NDRG3: variants seen among roughly 807,000 people sequenced by gnomAD.
The protein encoded by NDRG3 is protein NDRG3.
In NDRG3, 23 loss-of-function variants were observed where a neutral mutation model predicts 57.2. The ratio of observed to expected loss-of-function variants is 0.40; its 90% CI spans 0.29 to 0.57. The LOEUF (loss-of-function observed/expected upper bound fraction) is 0.57. Among genes scored for constraint, NDRG3 ranks in the 20% least tolerant of loss-of-function variants. NDRG3 has a pLI of 0.42. For synonymous variants in NDRG3, 132 were observed against 162.6 expected, an observed-to-expected ratio of 0.81 and a Z score of 1.43; for missense variants, 384 against 457.3, an observed-to-expected ratio of 0.84 and a Z score of 1.46.
chr20:36,673,818 C>T (rs982524582), intron 8 of NDRG3, among the ~76,000 whole-genome samples: 3 of 152,054 alleles, frequency 2.0e-5, no homozygotes, highest in African/African-American at 7.2e-5. Flanking sequence ...ATATCTAAAA[C>T]ATTTGGCCGG....
chr20:36,715,482 T>C (rs558603598), intron 2 of NDRG3, among the ~76,000 whole-genome samples: 3 of 151,806 alleles, frequency 2.0e-5, no homozygotes, highest in Non-Finnish European at 4.4e-5. Flanking sequence ...ATTACAGCTG[T>C]TTCTTCTTTT....
chr20:36,726,071 C>T (rs1984915277), intron 1 of NDRG3, among the ~76,000 whole-genome samples: 1 of 152,042 alleles, frequency 6.6e-6, no homozygotes, highest in African/African-American at 2.4e-5. Context: ...GGGCATGTGC[C>T]ACCATGCCTT....
At chr20:36,660,628 T>A (rs1473082027) in intron 12 of NDRG3, among the ~76,000 whole-genome samples, 1 of 151,626 alleles carries the variant, frequency 6.6e-6, no homozygotes, top group Non-Finnish European at 1.5e-5. Flanking sequence ...TGGCGCGATC[T>A]CGGCTCACTG....
chr20:36,708,062 C>T (rs1441021719), intron 2 of NDRG3, among the ~76,000 whole-genome samples: 2 of 149,654 alleles, frequency 1.3e-5, no homozygotes. Flanking sequence ...CCAGCCTGGG[C>T]AACAGAGTGA....
At chr20:36,681,343 GATA>G (rs1262787289) in intron 7 of NDRG3, among the ~76,000 whole-genome samples, 3 of 151,826 alleles carry the variant, frequency 2.0e-5, no homozygotes, top group Non-Finnish European at 2.9e-5. Context: ...AAAAAATAAT[GATA>G]ATAATGTCTG....
intron 13 of NDRG3, among the ~76,000 whole-genome samples, chr20:36,658,853 T>C (rs1978907827): frequency 2.6e-5 from 4 of 152,172 alleles, no homozygotes; most frequent in African/African-American, 9.6e-5. Flanking sequence ...ACCCTCATCA[T>C]AAGAATTGTT....
At chr20:36,718,847 A>C (rs939228652) in intron 2 of NDRG3, among the ~76,000 whole-genome samples, 1 of 151,742 alleles carries the variant, frequency 6.6e-6, no homozygotes, top group Non-Finnish European at 1.5e-5. Flanking sequence ...CACCTGGATC[A>C]TTTTTTTAAT....
At chr20:36,693,058 G>A (rs1466609024) in intron 3 of NDRG3, among the ~76,000 whole-genome samples, 2 of 85,468 alleles carry the variant, frequency 2.3e-5, no homozygotes, top group African/African-American at 4.7e-5. Context: ...CGGGGTGACA[G>A]CAAGACCCTG....
chr20:36,707,094 G>A, intron 2 of NDRG3, 87 bp from the exon 3 acceptor site: 1 of 1,199,892 alleles, frequency 8.3e-7, no homozygotes, highest in Non-Finnish European at 1.2e-6. Flanking sequence ...TGACAGCAGT[G>A]CATGTGCAGC....
chr20:36,687,377 A>G, intron 5 of NDRG3, 115 bp downstream of exon 5: 1 of 1,302,978 alleles, frequency 7.7e-7, no homozygotes, highest in East Asian at 2.5e-5. Context: ...GTCAATAAGC[A>G]TAACCTATAG....
intron 1 of NDRG3, among the ~76,000 whole-genome samples, chr20:36,736,051 G>A (rs1985595751): frequency 6.6e-6 from 1 of 150,904 alleles, no homozygotes; most frequent in Non-Finnish European, 1.5e-5. Context: ...ACAAGCTGCA[G>A]AAGTAGCCTA....
intron 2 of NDRG3, among the ~76,000 whole-genome samples, chr20:36,720,212 G>A (rs927138587): frequency 2.0e-5 from 3 of 151,510 alleles, no homozygotes; most frequent in Non-Finnish European, 2.9e-5. Flanking sequence ...TTGCTCTGTC[G>A]CCCAGGCTGG....
chr20:36,714,639 A>C (rs1467463670), intron 2 of NDRG3, among the ~76,000 whole-genome samples: 1 of 146,088 alleles, frequency 6.8e-6, no homozygotes, highest in African/African-American at 2.5e-5. Context: ...TTTGAGACGG[A>C]GTCTTGCTCT....
At chr20:36,658,029 T>C (rs915089146) in intron 13 of NDRG3, among the ~76,000 whole-genome samples, 7 of 152,200 alleles carry the variant, frequency 4.6e-5, no homozygotes, top group African/African-American at 1.7e-4. Flanking sequence ...ATGGGCATTT[T>C]TGCGAAAAAT....
chr20:36,697,385 C>G (rs1982880092), intron 3 of NDRG3, among the ~76,000 whole-genome samples: 1 of 152,064 alleles, frequency 6.6e-6, no homozygotes. Context: ...TTTTCCCCCC[C>G]AAGAATAGGG....
At position 36,715,022 on chromosome 20, in the gene NDRG3, A is replaced by G. The variant is rs1296032723; in HGVS notation, c.57+6657T>C. The stretch of plus-strand genomic sequence containing the variant: ...TGTGTGTGTGTATATATATATATAT[A>G]TATATATATATATATATATATATAT... On this transcript the variant is annotated intron_variant, in intron 2 of 15. Coordinates refer to ENST00000349004, the MANE Select transcript of NDRG3 (RefSeq NM_032013.4). 3.1e-3 allele frequency among the ~76,000 whole-genome samples: 300 copies of G among 95,344 alleles called. 1 individual carries two copies. The highest frequency in any genetic ancestry group is 8.8e-3 in the Middle Eastern group (2 of 228). 62.5% of individuals were successfully genotyped at this position (95,344 alleles called of 152,430 possible).
intron 9 of NDRG3, among the ~76,000 whole-genome samples, chr20:36,669,807 A>T (rs1979987644): frequency 1.3e-5 from 2 of 151,918 alleles, no homozygotes; most frequent in African/African-American, 2.4e-5. Flanking sequence ...CATGTTGGCC[A>T]TGCTGGTCTC....
intron 1 of NDRG3, among the ~76,000 whole-genome samples, chr20:36,743,889 T>G (rs1986047532): frequency 6.9e-6 from 1 of 144,930 alleles, no homozygotes. Flanking sequence ...CACGTTCAAG[T>G]AACATAAACA....
chr20:36,675,059 A>ATTT (rs34154196), intron 8 of NDRG3, among the ~76,000 whole-genome samples: 31 of 101,206 alleles, frequency 3.1e-4, no homozygotes, highest in African/African-American at 7.2e-4. Flanking sequence ...CACAACTGGC[A>ATTT]TTTTTTTTTT....
Sources: allele counts gnomAD v4.1 joint callset (sites outside exome capture counted in the v4.1 genomes callset), GRCh38; gene constraint gnomAD v4.1.1; transcripts MANE v1.5; gene names NCBI Gene and HGNC (gene_info 2026-07-23, HGNC 2026-07-21).